Variants in TALDO1 observed in about 807,000 individuals in gnomAD.
TALDO1 encodes transaldolase 1, also known as transaldolase.
In TALDO1, 29 loss-of-function variants were observed where a neutral mutation model predicts 38.1. The observed-to-expected ratio is 0.76, with a 90% CI of 0.57 to 1.04. The LOEUF is 1.04. Ranked by LOEUF, TALDO1 falls within the 50% of genes least tolerant of loss-of-function variation. TALDO1 has a pLI of 0.00. For missense variants in TALDO1, 499 were observed against 438.1 expected (o/e 1.14, Z -1.24); for synonymous variants, 207 against 176.8 (o/e 1.17, Z -1.36).
At chr11:749,105 T>TA in intron 1 of TALDO1, among the ~76,000 whole-genome samples, 1 of 152,084 alleles carries the variant, frequency 6.6e-6, no homozygotes, top group Non-Finnish European at 1.5e-5. Context: ...TTTTGTATTG[T>TA]TTTTTAAGAA....
rs1466939067 is a variant in TALDO1 at position 752,102 on chromosome 11, G to A, written c.98-3777G>A. The stretch of plus-strand genomic sequence containing the variant: ...TCTTTTTTTTTGGAGGCGGAGTCTC[G>A]CTCTGTCGCCCAGGCTGGAGTCAGT... On this transcript the variant is annotated intron_variant, in intron 1 of 7. Transcript: ENST00000319006. 3.3e-5 allele frequency among the ~76,000 whole-genome samples: 5 copies of A among 151,656 alleles called. No homozygotes were observed. The East Asian group carries it at 5.9e-4, about 18-fold the overall frequency.
rs979415736 is a variant in TALDO1 at position 748,038 on chromosome 11, C to T, written c.97+460C>T. The stretch of plus-strand genomic sequence containing the variant: ...CGGGCTGTGGGCAGCCCGCGGGAGC[C>T]CCTCTGTGCACCTTCATGGGTCGAG... On this transcript the variant is annotated intron_variant, in intron 1 of 7. Transcript: ENST00000319006. Among the ~76,000 whole-genome samples the T allele has an allele frequency of 1.4e-4, 21 of 152,220 alleles. 1 individual carries two copies. The highest frequency in any genetic ancestry group is 3.1e-4 in the Non-Finnish European group (21 of 68,034).
intron 4 of TALDO1, 47 bp from the exon 5 acceptor site, chr11:763,297 T>TCCCCGCCCTCACCC (rs1564994141): frequency 6.3e-6 from 2 of 316,414 alleles, no homozygotes; most frequent in African/African-American, 1.0e-4. Flanking sequence ...CGCCCTCACC[T>TCCCCGCCCTCACCC]GTCCCCGCCC....
chr11:763,627 G>A (rs1862994438), intron 5 of TALDO1, 108 bp downstream of exon 5: 4 of 1,569,908 alleles, frequency 2.5e-6, no homozygotes, highest in South Asian at 2.2e-5. Flanking sequence ...GAGGTGCACA[G>A]GTCGGCGCGG....
At chr11:754,457 G>A (rs374167880) in intron 1 of TALDO1, among the ~76,000 whole-genome samples, 15 of 151,964 alleles carry the variant, frequency 9.9e-5, no homozygotes, top group African/African-American at 3.4e-4. Flanking sequence ...TACTGAATGC[G>A]ATATTTATTT....
chr11:763,673 G>A (rs1329512391), intron 5 of TALDO1, 74 bp from the exon 6 acceptor site: 13 of 1,581,592 alleles, frequency 8.2e-6, no homozygotes, highest in Admixed American at 1.7e-5. Context: ...TAGTGCAGCC[G>A]GCAGGCACTG....
chr11:764,588 G>A, intron 7 of TALDO1, 155 bp downstream of exon 7: 1 of 1,381,516 alleles, frequency 7.2e-7, no homozygotes, highest in Non-Finnish European at 1.0e-6. Flanking sequence ...GGCCATCCCA[G>A]GGTGGAGGGT....
chr11:764,227 C>G, intron 6 of TALDO1, 61 bp from the exon 7 acceptor site: 1 of 1,613,446 alleles, frequency 6.2e-7, no homozygotes, highest in Non-Finnish European at 8.5e-7. Flanking sequence ...GCCCTGAGCC[C>G]AAGGGGCCAA....
rs756007243 is a variant in TALDO1 at position 764,296 on chromosome 11, A to G, written c.844A>G (p.Ser282Gly). ...PVLSAKAAQA[S>G]DLEKIHLDEK... Reference sequence around the variant, plus strand: ...TGGTTCTTGTCCCCCAGCCCAAGCCAGTGACCTGGAAAAAATCCACCTGGA... The same window carrying G: ...TGGTTCTTGTCCCCCAGCCCAAGCCGGTGACCTGGAAAAAATCCACCTGGA... The change falls in exon 7 of 8, where the codon AGT becomes GGT. Residue 282 changes from serine (S) to glycine (G), a missense_variant. Ser to Gly is a moderately conservative substitution (Grantham distance 56). Transcript: ENST00000319006. The G allele has an allele frequency of 6.2e-7, 1 of 1,614,178 alleles. No homozygotes were observed. Among genetic ancestry groups the G allele is most frequent in the Non-Finnish European group, 8.5e-7 (1 of 1,180,046 alleles).
At chr11:749,101 A>T (rs1862707071) in intron 1 of TALDO1, among the ~76,000 whole-genome samples, 1 of 152,048 alleles carries the variant, frequency 6.6e-6, no homozygotes. Context: ...TTTGTTTTGT[A>T]TTGTTTTTTA....
chr11:763,359 G>C lies in TALDO1; in HGVS notation c.477G>C (p.Gln159His), dbSNP rs1263376020. The change falls in exon 5 of 8, where the codon CAG becomes CAC. Residue 159 changes from glutamine to histidine, a missense_variant. Physicochemically the swap from Gln to His is conservative, Grantham distance 24. Transcript: ENST00000319006. ...GIQAGKELEE[Q>H]HGIHCNMTLL... ...CGCCCCGCAGGGAGCTCGAGGAGCA[G>C]CACGGCATCCACTGCAACATGACGT... 3.1e-6 allele frequency: 5 copies of C among 1,595,534 alleles called. No individual in the cohort carries two copies. Among genetic ancestry groups the C allele is most frequent in the African/African-American group, 1.4e-5 (1 of 72,950 alleles).
chr11:759,120 G>A (rs1590070069), intron 3 of TALDO1, 63 bp downstream of exon 3: 1 of 1,377,846 alleles, frequency 7.3e-7, no homozygotes, highest in Non-Finnish European at 1.0e-6. Context: ...ACACGTGGAT[G>A]CCAACATGAG....
chr11:756,083 T>G lies in TALDO1; in HGVS notation c.221+81T>G, dbSNP rs1451777457. 4 of 1,538,220 alleles carry G rather than the reference T, an allele frequency of 2.6e-6. No individual in the cohort carries two copies. In the African/African-American group the frequency reaches 5.5e-5, roughly 21 times the overall value. ...CCTTGCTTCCCTCCCTAACTGAATT[T>G]TAGTTCTCAAACACCATGAACTCAA... On this transcript the variant is annotated intron_variant, in intron 2 of 7. Transcript: ENST00000319006.
intron 2 of TALDO1, 146 bp downstream of exon 2, chr11:756,148 A>G: frequency 8.1e-7 from 1 of 1,235,080 alleles, no homozygotes. Context: ...ATTTTTGTTT[A>G]TTGAAGTGTA....
rs1270122372 is a variant in TALDO1 at position 764,447 on chromosome 11, G to C, written c.981+14G>C. 2.5e-6 allele frequency: 4 copies of C among 1,613,478 alleles called. No homozygotes were observed. The highest frequency in any genetic ancestry group is 3.3e-5 in the Admixed American group (2 of 59,880). ...CGGATGCTGACAGTGAGTGTTGTGT[G>C]TGGGTACCTACATATGCCAAGCCCT... On this transcript the variant is annotated intron_variant, in intron 7 of 7. Coordinates refer to ENST00000319006, the MANE Select transcript of TALDO1 (RefSeq NM_006755.2).
At chr11:760,384 T>TGGTCAAGTCCAAGCTG in intron 4 of TALDO1, 131 bp downstream of exon 4, 1 of 1,410,884 alleles carries the variant, frequency 7.1e-7, no homozygotes, top group Non-Finnish European at 9.8e-7. Context: ...AGCCCACAGC[T>TGGTCAAGTCCAAGCTG]TGGACTTGAC....
intron 3 of TALDO1, 76 bp from the exon 4 acceptor site, chr11:760,046 C>A: frequency 6.2e-7 from 1 of 1,601,534 alleles, no homozygotes; most frequent in Non-Finnish European, 8.5e-7. Context: ...GACAGGCAGA[C>A]ACCCGGCCTC....
chr11:759,603 CAG>C (rs1172186963), intron 3 of TALDO1, among the ~76,000 whole-genome samples: 3 of 151,758 alleles, frequency 2.0e-5, no homozygotes, highest in South Asian at 2.1e-4. Flanking sequence ...TTTTTTGAGA[CAG>C]AGTCTCGCTC....
chr11:747,647 G>A lies in TALDO1; in HGVS notation c.97+69G>A, dbSNP rs577317659. Reference sequence around the variant, plus strand: ...GAGGCCCCGGCGCCCCGATTTCCCCGGGTCTCCCGTTCCGGGACGCGGACC... The same window carrying A: ...GAGGCCCCGGCGCCCCGATTTCCCCAGGTCTCCCGTTCCGGGACGCGGACC... On this transcript the variant is annotated intron_variant, in intron 1 of 7. Transcript: ENST00000319006. 4.4e-6 allele frequency: 6 copies of A among 1,370,522 alleles called. No homozygotes were observed. The South Asian group carries it at 6.4e-5, about 15-fold the overall frequency. 84.9% of individuals were successfully genotyped at this position (1,370,522 alleles called of 1,614,324 possible).
Sources: gnomAD v4.1 joint callset for allele counts (sites outside exome capture counted in the v4.1 genomes callset) on GRCh38, gnomAD v4.1.1 for gene constraint, MANE v1.5 for transcripts, NCBI Gene and HGNC (gene_info 2026-07-23, HGNC 2026-07-21) for gene names.